The following PDZRN4 variants were observed in gnomAD, a reference collection of about 807,000 sequenced individuals.
PDZRN4 encodes PDZ domain containing ring finger 4, also known as PDZ domain-containing RING finger protein 4.
PDZRN4 carries 70 observed loss-of-function variants against 99.0 expected under a neutral mutation model. The ratio of observed to expected loss-of-function variants is 0.71; its 90% confidence interval spans 0.58 to 0.86. PDZRN4 has a LOEUF of 0.86. Among genes scored for constraint, PDZRN4 ranks in the 40% least tolerant of loss-of-function variants. The pLI is 0.00. For synonymous variants in PDZRN4, 551 were observed against 501.6 expected (o/e 1.10, Z -1.32); for missense variants, 1,474 against 1,331.2 (o/e 1.11, Z -1.67).
intron 3 of PDZRN4, among the ~76,000 whole-genome samples, chr12:41,379,390 T>A (rs982477467): frequency 6.9e-6 from 1 of 144,632 alleles, no homozygotes; most frequent in Non-Finnish European, 1.6e-5. Context: ...AATACTTTAT[T>A]TTTTTTTATT....
rs1334115659 is a variant in PDZRN4 at position 41,222,840 on chromosome 12, A to G, written c.843+28652A>G. On this transcript the variant is annotated intron_variant, in intron 3 of 9. Transcript: ENST00000402685. Reference sequence around the variant, plus strand: ...ACACCCAGCCTATAATGGATTATTTATAGCTCTATAGAACTACTATAAGCT... The same window carrying G: ...ACACCCAGCCTATAATGGATTATTTGTAGCTCTATAGAACTACTATAAGCT... 5.3e-5 allele frequency among the ~76,000 whole-genome samples: 8 copies of G among 152,286 alleles called. No homozygotes were observed. In the South Asian group the frequency reaches 6.2e-4, roughly 12 times the overall value.
chr12:41,457,033 T>G (rs1001131126), intron 3 of PDZRN4, among the ~76,000 whole-genome samples: 1 of 152,174 alleles, frequency 6.6e-6, no homozygotes, highest in African/African-American at 2.4e-5. Context: ...CAGATGAGCC[T>G]TTATCTGTGC....
At chr12:41,203,218 A>G (rs1166444673) in intron 3 of PDZRN4, among the ~76,000 whole-genome samples, 1 of 152,070 alleles carries the variant, frequency 6.6e-6, no homozygotes, top group African/African-American at 2.4e-5. Context: ...TATTAATTAA[A>G]CAAGCAACAA....
intron 3 of PDZRN4, among the ~76,000 whole-genome samples, chr12:41,250,973 C>T (rs140124355): frequency 3.9e-5 from 6 of 152,258 alleles, no homozygotes; most frequent in African/African-American, 1.2e-4. Flanking sequence ...GGACCACAGC[C>T]AACTTTTGGT....
At chr12:41,561,608 A>C (rs1939271072) in intron 7 of PDZRN4, among the ~76,000 whole-genome samples, 1 of 115,562 alleles carries the variant, frequency 8.7e-6, no homozygotes, top group African/African-American at 3.3e-5. Context: ...ATATATAAAG[A>C]CTATATATAT....
intron 3 of PDZRN4, among the ~76,000 whole-genome samples, chr12:41,505,948 A>T (rs1938198208): frequency 6.6e-6 from 1 of 152,142 alleles, no homozygotes; most frequent in Admixed American, 6.6e-5. Context: ...CACTTCAAAC[A>T]GTGAGGATTT....
chr12:41,422,256 T>C (rs1421569773), intron 3 of PDZRN4, among the ~76,000 whole-genome samples: 3 of 152,198 alleles, frequency 2.0e-5, no homozygotes, highest in Admixed American at 6.5e-5. Context: ...TATTACTAAC[T>C]AATATTAGAA....
chr12:41,550,385 A>T (rs553861797), intron 5 of PDZRN4, among the ~76,000 whole-genome samples: 2 of 152,074 alleles, frequency 1.3e-5, no homozygotes, highest in Non-Finnish European at 2.9e-5. Context: ...TCACTAAGAG[A>T]TACTCCTCAA....
At chr12:41,430,454 C>G (rs187435195) in intron 3 of PDZRN4, among the ~76,000 whole-genome samples, 1 of 146,674 alleles carries the variant, frequency 6.8e-6, no homozygotes, top group Non-Finnish European at 1.5e-5. Flanking sequence ...GGTGACAGAG[C>G]GAGACTCCAT....
chr12:41,552,817 T>A, intron 6 of PDZRN4, 63 bp downstream of exon 6: 2 of 1,288,244 alleles, frequency 1.6e-6, no homozygotes, highest in African/African-American at 1.5e-5. Context: ...GCGAAATGAC[T>A]CACAATGAGA....
In PDZRN4 at chr12:41,188,893, C is replaced by CG. The variant is rs1340631239; in HGVS notation, c.444dup (p.Pro149AlafsTer73). The stretch of plus-strand genomic sequence containing the variant: ...GGGCTGGCCGGGGCGGGGGCGCGCG[C>CG]GGGGGGCCGCCGGGCGGCCGCTGGG... On this transcript the variant is annotated frameshift_variant, in exon 1 of 10. Coordinates refer to ENST00000402685, the MANE Select transcript of PDZRN4 (RefSeq NM_001164595.2). LOFTEE classifies it high-confidence loss of function. The CG allele has an allele frequency of 4.6e-6, 5 of 1,092,628 alleles. No homozygotes were observed. The highest frequency in any genetic ancestry group is 4.3e-5 in the South Asian group (1 of 23,166). The allele number at this position is 1,092,628 out of a possible 1,614,324, so 67.7% of individuals were successfully genotyped here.
At position 41,269,406 on chromosome 12, in the gene PDZRN4, C is replaced by T. The variant is rs1951299181; in HGVS notation, c.843+75218C>T. ...TATGTATCATACAAGAAGCAGATAG[C>T]TTCTTGCAGCCCAACATAATTGATT... On this transcript the variant is annotated intron_variant, in intron 3 of 9. Transcript: ENST00000402685. Among the ~76,000 whole-genome samples the T allele has an allele frequency of 2.0e-5, 3 of 152,162 alleles. No homozygotes were observed. In the South Asian group the frequency reaches 6.2e-4, roughly 32 times the overall value.
chr12:41,478,631 A>T (rs1042514614), intron 3 of PDZRN4, among the ~76,000 whole-genome samples: 34 of 152,182 alleles, frequency 2.2e-4, no homozygotes, highest in African/African-American at 8.0e-4. Flanking sequence ...CCCATTCTCT[A>T]CAGTTTTATA....
intron 3 of PDZRN4, among the ~76,000 whole-genome samples, chr12:41,356,116 T>A (rs1453981230): frequency 6.6e-6 from 1 of 152,048 alleles, no homozygotes; most frequent in African/African-American, 2.4e-5. Context: ...CAATGATCTA[T>A]GTAGGACCAA....
chr12:41,208,956 A>T (rs1053193567), intron 3 of PDZRN4, among the ~76,000 whole-genome samples: 2 of 151,930 alleles, frequency 1.3e-5, no homozygotes, highest in Non-Finnish European at 2.9e-5. Flanking sequence ...GGAATTTGGG[A>T]TTGTGCAAGT....
At chr12:41,212,802 A>G (rs1353583690) in intron 3 of PDZRN4, among the ~76,000 whole-genome samples, 1 of 152,010 alleles carries the variant, frequency 6.6e-6, no homozygotes, top group Non-Finnish European at 1.5e-5. Flanking sequence ...TTTATAGCAT[A>G]ACTAGAAACA....
At chr12:41,291,430 T>C (rs912522934) in intron 3 of PDZRN4, among the ~76,000 whole-genome samples, 41 of 152,204 alleles carry the variant, frequency 2.7e-4, no homozygotes, top group African/African-American at 9.6e-4. Context: ...CTATATAAAC[T>C]TCTATATATA....
At chr12:41,358,259 A>G (rs1362900170) in intron 3 of PDZRN4, among the ~76,000 whole-genome samples, 1 of 151,990 alleles carries the variant, frequency 6.6e-6, no homozygotes, top group Non-Finnish European at 1.5e-5. Flanking sequence ...CCAACTAGTT[A>G]TGTATGCTGA....
intron 3 of PDZRN4, among the ~76,000 whole-genome samples, chr12:41,423,645 A>T (rs1350090183): frequency 6.6e-6 from 1 of 152,058 alleles, no homozygotes; most frequent in Non-Finnish European, 1.5e-5. Flanking sequence ...TGTTAATTCC[A>T]TATTCCTGAG....
Sources: gnomAD v4.1 joint callset for allele counts (sites outside exome capture counted in the v4.1 genomes callset) on GRCh38, gnomAD v4.1.1 for gene constraint, MANE v1.5 for transcripts, NCBI Gene and HGNC (gene_info 2026-07-23, HGNC 2026-07-21) for gene names.